Variants in DLGAP2 observed in about 807,000 individuals in gnomAD.
DLGAP2 encodes the protein disks large-associated protein 2.
Under a neutral mutation model 100.3 loss-of-function variants are expected in DLGAP2, and 26 were observed. That is an observed-to-expected ratio of 0.26 (90% confidence interval 0.19 to 0.36). DLGAP2 has a LOEUF of 0.36. DLGAP2 is among the 10% of genes least tolerant of loss of function. DLGAP2 has a pLI of 1.00. For missense variants in DLGAP2, 1,858 were observed against 1,453.2 expected (o/e 1.28, Z -4.53); for synonymous variants, 886 against 630.1 (o/e 1.41, Z -6.08).
intron 6 of DLGAP2, among the ~76,000 whole-genome samples, chr8:1,577,297 G>A (rs142905178): frequency 0.026 from 3,990 of 152,184 alleles, 180 homozygotes; most frequent in African/African-American, 0.092. Flanking sequence ...GGCTGGGCGC[G>A]GTGGCTCATG....
At chr8:1,389,085 G>C (rs1439984430) in intron 3 of DLGAP2, among the ~76,000 whole-genome samples, 7 of 152,102 alleles carry the variant, frequency 4.6e-5, no homozygotes, top group African/African-American at 1.7e-4. Flanking sequence ...GGAGGCTCTG[G>C]TTCAGGTGTC....
chr8:1,527,187 T>C lies in DLGAP2; in HGVS notation c.173-21439T>C, dbSNP rs185465863. ...GTTCACAAATCCGTGACTGACATGGTGTGCACCTCGTCCTCTTGTCCAGGC... is the reference window on the plus strand; with the variant it reads ...GTTCACAAATCCGTGACTGACATGGCGTGCACCTCGTCCTCTTGTCCAGGC... On this transcript the variant is annotated intron_variant, in intron 4 of 14. Transcript: ENST00000637795. Among the ~76,000 whole-genome samples, 243 of 152,352 alleles carry C rather than the reference T, an allele frequency of 1.6e-3. 2 individuals carry two copies. Among genetic ancestry groups the C allele is most frequent in the African/African-American group, 5.5e-3 (230 of 41,590 alleles).
intron 3 of DLGAP2, among the ~76,000 whole-genome samples, chr8:1,322,338 A>G (rs956714973): frequency 6.6e-6 from 1 of 152,250 alleles, no homozygotes; most frequent in Non-Finnish European, 1.5e-5. Context: ...CTTTACCACA[A>G]TAAATACAAC....
intron 12 of DLGAP2, among the ~76,000 whole-genome samples, chr8:1,682,472 A>G (rs1353483744): frequency 4.4e-5 from 6 of 137,902 alleles, no homozygotes; most frequent in East Asian, 2.4e-4. Context: ...ATCTTAGGAT[A>G]TATAGTATTT....
intron 3 of DLGAP2, among the ~76,000 whole-genome samples, chr8:1,354,027 G>C (rs1801793460): frequency 1.3e-5 from 2 of 152,170 alleles, no homozygotes; most frequent in Admixed American, 1.3e-4. Flanking sequence ...AGTGGCCAGT[G>C]CTGTTTATAG....
chr8:841,640 G>T (rs970049158), intron 1 of DLGAP2, among the ~76,000 whole-genome samples: 1 of 151,986 alleles, frequency 6.6e-6, no homozygotes, highest in Non-Finnish European at 1.5e-5. Flanking sequence ...GCCATTCACA[G>T]GTGTGATCTT....
intron 2 of DLGAP2, among the ~76,000 whole-genome samples, chr8:1,071,663 G>T (rs763746130): frequency 3.9e-5 from 6 of 151,992 alleles, no homozygotes; most frequent in Non-Finnish European, 7.4e-5. Flanking sequence ...ATTTTTTTAA[G>T]GATTTGTGAA....
chr8:985,336 T>A (rs758654809), intron 2 of DLGAP2, among the ~76,000 whole-genome samples: 2 of 152,168 alleles, frequency 1.3e-5, no homozygotes, highest in African/African-American at 2.4e-5. Context: ...AGCTTCAGAG[T>A]CAGATCTAAT....
intron 2 of DLGAP2, among the ~76,000 whole-genome samples, chr8:1,133,018 A>T (rs1409232129): frequency 1.3e-5 from 2 of 152,138 alleles, no homozygotes; most frequent in African/African-American, 4.8e-5. Context: ...CTTCCCCCTA[A>T]TCTGGGGTCT....
At chr8:1,485,233 T>C (rs1799207020) in intron 3 of DLGAP2, among the ~76,000 whole-genome samples, 1 of 152,242 alleles carries the variant, frequency 6.6e-6, no homozygotes, top group African/African-American at 2.4e-5. Context: ...ACGCTTTTTT[T>C]GTATAATTTT....
chr8:1,534,338 C>A (rs138592072), intron 4 of DLGAP2, among the ~76,000 whole-genome samples: 2 of 152,200 alleles, frequency 1.3e-5, no homozygotes, highest in Admixed American at 1.3e-4. Context: ...AGGTTTACAA[C>A]TGATAGCAGC....
chr8:1,502,798 G>C (rs892543349), intron 4 of DLGAP2, among the ~76,000 whole-genome samples: 1 of 152,212 alleles, frequency 6.6e-6, no homozygotes, highest in Non-Finnish European at 1.5e-5. Context: ...TCTGGACAAT[G>C]TTAATGTCAT....
chr8:1,206,531 C>T (rs1585152027), intron 2 of DLGAP2, among the ~76,000 whole-genome samples: 1 of 149,214 alleles, frequency 6.7e-6, no homozygotes, highest in African/African-American at 2.4e-5. Flanking sequence ...CATCCGTGGA[C>T]TGGGGTAGAC....
At chr8:869,523 A>C (rs1022843945) in intron 1 of DLGAP2, among the ~76,000 whole-genome samples, 1 of 152,268 alleles carries the variant, frequency 6.6e-6, no homozygotes, top group East Asian at 1.9e-4. Context: ...GGAAAGTGAT[A>C]GCATGTCACA....
At chr8:1,415,722 C>A (rs373994546) in intron 3 of DLGAP2, among the ~76,000 whole-genome samples, 17 of 152,326 alleles carry the variant, frequency 1.1e-4, no homozygotes, top group African/African-American at 4.1e-4. Context: ...TTGATGGGCA[C>A]CTGGGTTGCT....
chr8:1,439,987 C>G (rs999839307), intron 3 of DLGAP2, among the ~76,000 whole-genome samples: 1 of 152,098 alleles, frequency 6.6e-6, no homozygotes, highest in Non-Finnish European at 1.5e-5. Flanking sequence ...GTGCAAGTCA[C>G]CAGAGCCACA....
intron 3 of DLGAP2, among the ~76,000 whole-genome samples, chr8:1,419,608 T>C (rs4875849): frequency 0.46 from 70,592 of 152,066 alleles, 17,942 homozygotes; most frequent in East Asian, 0.88. Context: ...CATGCTCCAG[T>C]ATCCAGCATC....
At chr8:894,320 G>C (rs772922839) in intron 1 of DLGAP2, among the ~76,000 whole-genome samples, 22 of 152,164 alleles carry the variant, frequency 1.4e-4, no homozygotes, top group Non-Finnish European at 2.9e-4. Context: ...TGGTGTGACA[G>C]GGACAGGGCT....
rs1796129717 is a variant in DLGAP2 at position 1,382,930 on chromosome 8, T to C, written c.107-118436T>C. Reference sequence around the variant, plus strand: ...TATACAAAGTGTGTGTGTGCGTGTGTGTGTGTGTAGAGAGAGACCCTAATC... The same window carrying C: ...TATACAAAGTGTGTGTGTGCGTGTGCGTGTGTGTAGAGAGAGACCCTAATC... On this transcript the variant is annotated intron_variant, in intron 3 of 14. Transcript: ENST00000637795. Among the ~76,000 whole-genome samples the C allele has an allele frequency of 2.0e-5, 3 of 152,182 alleles. No individual in the cohort carries two copies. In the South Asian group the frequency reaches 6.2e-4, roughly 32 times the overall value.
Sources: allele counts gnomAD v4.1 joint callset (sites outside exome capture counted in the v4.1 genomes callset), GRCh38; gene constraint gnomAD v4.1.1; transcripts MANE v1.5; gene names NCBI Gene and HGNC (gene_info 2026-07-23, HGNC 2026-07-21).